GRAMD1C: variants seen among roughly 807,000 people sequenced by gnomAD.
The protein encoded by GRAMD1C is protein Aster-C.
Under a neutral mutation model 97.8 loss-of-function variants are expected in GRAMD1C, and 89 were observed. The ratio of observed to expected loss-of-function variants is 0.91; its 90% CI spans 0.77 to 1.09. GRAMD1C has a LOEUF of 1.09. Among genes scored for constraint, GRAMD1C ranks in the 50% least tolerant of loss-of-function variants. The pLI is 0.00. For synonymous variants in GRAMD1C, 256 were observed against 267.0 expected, an observed-to-expected ratio of 0.96 and a Z score of 0.40; for missense variants, 740 against 766.4, an observed-to-expected ratio of 0.97 and a Z score of 0.41.
chr3:113,831,844 AT>A (rs1709561712), intron 1 of GRAMD1C, among the ~76,000 whole-genome samples: 1 of 152,006 alleles, frequency 6.6e-6, no homozygotes, highest in Admixed American at 6.6e-5. Context: ...TCTCTTTTGA[AT>A]TTGATTTCTT....
chr3:113,854,740 A>G (rs1237041544), intron 2 of GRAMD1C, among the ~76,000 whole-genome samples: 1 of 152,186 alleles, frequency 6.6e-6, no homozygotes, highest in East Asian at 1.9e-4. Flanking sequence ...TATCAACATG[A>G]AAAAAACCTT....
chr3:113,850,091 A>G (rs1375923028), intron 2 of GRAMD1C: 3 of 350,472 alleles, frequency 8.6e-6, no homozygotes, highest in Non-Finnish European at 1.7e-5. Flanking sequence ...CTCCCTCCCT[A>G]GAGCCCCTCC....
chr3:113,885,611 G>GT (rs1226308752), intron 6 of GRAMD1C: 20 of 1,522,478 alleles, frequency 1.3e-5, no homozygotes, highest in Non-Finnish European at 1.7e-5. Flanking sequence ...ATTCTGTCCG[G>GT]TTTTTTGTAC....
chr3:113,884,878 G>A (rs111669030), intron 6 of GRAMD1C, among the ~76,000 whole-genome samples: 1 of 147,484 alleles, frequency 6.8e-6, no homozygotes, highest in African/African-American at 2.5e-5. Context: ...GAGGCGCAGC[G>A]GACCACTCTC....
chr3:113,923,271 C>A (rs778977327), intron 10 of GRAMD1C, among the ~76,000 whole-genome samples: 22 of 152,016 alleles, frequency 1.4e-4, no homozygotes, highest in Non-Finnish European at 2.5e-4. Flanking sequence ...TTTCCCTTGC[C>A]TGATTGTTCT....
intron 2 of GRAMD1C, chr3:113,850,476 G>A: frequency 1.3e-6 from 2 of 1,488,836 alleles, no homozygotes; most frequent in Admixed American, 3.4e-5. Context: ...CAGTCTCCGG[G>A]GCAGATGAAG....
At chr3:113,935,492 A>T (rs1361877726) in intron 13 of GRAMD1C, among the ~76,000 whole-genome samples, 1 of 150,948 alleles carries the variant, frequency 6.6e-6, no homozygotes, top group Non-Finnish European at 1.5e-5. Flanking sequence ...CGAGAAATAT[A>T]TATATATATA....
At chr3:113,874,910 A>G (rs1217296836) in intron 3 of GRAMD1C, among the ~76,000 whole-genome samples, 1 of 152,170 alleles carries the variant, frequency 6.6e-6, no homozygotes, top group Admixed American at 6.5e-5. Context: ...AAATATATAC[A>G]TCTGTTCCTG....
intron 17 of GRAMD1C, among the ~76,000 whole-genome samples, chr3:113,944,259 C>T (rs1937956622): frequency 6.6e-6 from 1 of 152,180 alleles, no homozygotes. Context: ...ATTTAGTTCC[C>T]TGAAGCTCTT....
chr3:113,917,397 C>T (rs1218213761), intron 10 of GRAMD1C, among the ~76,000 whole-genome samples: 1 of 152,038 alleles, frequency 6.6e-6, no homozygotes, highest in Non-Finnish European at 1.5e-5. Context: ...GATCTCGGCT[C>T]ACTGCAACAT....
At chr3:113,871,301 TA>T (rs1028500001) in intron 3 of GRAMD1C, among the ~76,000 whole-genome samples, 3 of 152,218 alleles carry the variant, frequency 2.0e-5, no homozygotes, top group African/African-American at 7.2e-5. Context: ...TATTTTTTAC[TA>T]TAAGCTTAAT....
chr3:113,855,705 G>GAA (rs549606356), intron 2 of GRAMD1C, among the ~76,000 whole-genome samples: 4 of 127,492 alleles, frequency 3.1e-5, no homozygotes, highest in Admixed American at 8.0e-5. Context: ...CTCTGTCTCA[G>GAA]AAAAAAAAAA....
chr3:113,838,802 C>A lies in GRAMD1C; in HGVS notation c.-108C>A. ...CGGCTGGAAGTACTCGGAGGGCCGG[C>A]GGAGGAGGCGCGCGGAGCCTGTAAC... On this transcript the variant is annotated 5_prime_UTR_variant, in exon 1 of 18. Transcript: ENST00000358160. 2.6e-6 allele frequency: 2 copies of A among 765,082 alleles called. No individual in the cohort carries two copies. Among genetic ancestry groups the A allele is most frequent in the Non-Finnish European group, 1.8e-6 (1 of 565,842 alleles). 47.4% of individuals were successfully genotyped at this position (765,082 alleles called of 1,614,324 possible).
chr3:113,937,435 A>C (rs4682513), intron 14 of GRAMD1C, among the ~76,000 whole-genome samples: 52,158 of 152,054 alleles, frequency 0.34, 9,142 homozygotes, highest in Middle Eastern at 0.43. Flanking sequence ...CCCAGTTCAA[A>C]TATTATTTGG....
At chr3:113,910,012 A>T (rs1029744902) in intron 9 of GRAMD1C, among the ~76,000 whole-genome samples, 1 of 152,288 alleles carries the variant, frequency 6.6e-6, no homozygotes, top group African/African-American at 2.4e-5. Flanking sequence ...TTTCCATTTA[A>T]TTCACTTTCA....
rs759452475 is a variant in GRAMD1C at position 113,901,110 on chromosome 3, A to G, written c.620A>G (p.Glu207Gly). The change falls in exon 7 of 18, where the codon GAA (glutamate) becomes GGA (glycine). Residue 207 changes from glutamate (E) to glycine (G), a missense_variant. By Grantham distance (98) the Glu-to-Gly change is moderately conservative. Coordinates refer to ENST00000358160, the MANE Select transcript of GRAMD1C (RefSeq NM_017577.5). ...TELGLNAEEM[E>G]NLSLSIEDVQ... ...CTAGGTTTAAATGCTGAGGAGATGGAAAACTTGTCACTGTCGATTGAGGAT... is the reference window on the plus strand; with the variant it reads ...CTAGGTTTAAATGCTGAGGAGATGGGAAACTTGTCACTGTCGATTGAGGAT... 110 of 1,607,082 alleles carry G rather than the reference A, an allele frequency of 6.8e-5. 1 individual carries two copies. The Middle Eastern group carries it at 1.2e-3, about 17-fold the overall frequency.
chr3:113,916,418 A>G lies in GRAMD1C; in HGVS notation c.1090+580A>G, dbSNP rs551096008. Among the ~76,000 whole-genome samples, 206 of 152,354 alleles carry G rather than the reference A, an allele frequency of 1.4e-3. 1 individual carries two copies. Among genetic ancestry groups the G allele is most frequent in the Middle Eastern group, 6.8e-3 (2 of 294 alleles). On this transcript the variant is annotated intron_variant, in intron 10 of 17. Coordinates refer to ENST00000358160, the MANE Select transcript of GRAMD1C (RefSeq NM_017577.5). ...TCCCACAAAAGAATCCTATATAACA[A>G]TGAAAAAAATACAAAGTACTGATAC... is the stretch of plus-strand genomic sequence containing the variant.
At position 113,908,695 on chromosome 3, in the gene GRAMD1C, T is replaced by C. The variant is rs567408297; in HGVS notation, c.790-263T>C. On this transcript the variant is annotated intron_variant, in intron 8 of 17. Coordinates refer to ENST00000358160, the MANE Select transcript of GRAMD1C (RefSeq NM_017577.5). ...CCTTCTCCATAAGTGATTTACATGA[T>C]CTGTGAAGCTCTTTTATATGGTGTT... 2.4e-3 allele frequency among the ~76,000 whole-genome samples: 372 copies of C among 152,302 alleles called. 4 individuals carry two copies. The highest frequency in any genetic ancestry group is 8.4e-3 in the African/African-American group (349 of 41,576).
At chr3:113,844,434 T>A (rs1933516662) in intron 1 of GRAMD1C, 69 bp from the exon 2 acceptor site, 2 of 1,040,838 alleles carry the variant, frequency 1.9e-6, no homozygotes, top group Non-Finnish European at 3.0e-6. Flanking sequence ...GTTGTGAACA[T>A]TAACTTTTTT....
Sources: allele counts gnomAD v4.1 joint callset (sites outside exome capture counted in the v4.1 genomes callset), GRCh38; gene constraint gnomAD v4.1.1; transcripts MANE v1.5; gene names NCBI Gene and HGNC (gene_info 2026-07-23, HGNC 2026-07-21).